The following ITPK1 variants were observed in gnomAD, a reference collection of about 807,000 sequenced individuals.
ITPK1 encodes inositol 1,3,4-trisphosphate 5/6-kinase.
Under a neutral mutation model 45.3 loss-of-function variants are expected in ITPK1, and 21 were observed. The observed-to-expected ratio is 0.46, with a 90% confidence interval of 0.33 to 0.67. The LOEUF is 0.67. Among genes scored for constraint, ITPK1 ranks in the 30% least tolerant of loss-of-function variants. The probability of loss-of-function intolerance (pLI) is 0.02; values close to 1 mark genes in which losing one functional copy is unlikely to be tolerated. For missense variants in ITPK1, 474 were observed against 573.5 expected (o/e 0.83, Z 1.77); for synonymous variants, 258 against 253.6 (o/e 1.02, Z -0.16).
intron 2 of ITPK1, among the ~76,000 whole-genome samples, chr14:93,100,361 C>A (rs1021672445): frequency 1.3e-5 from 2 of 152,170 alleles, no homozygotes; most frequent in African/African-American, 2.4e-5. Flanking sequence ...AAAACCACCA[C>A]CCTCCCAGGG....
chr14:93,035,448 G>A (rs1889274299), intron 3 of ITPK1, among the ~76,000 whole-genome samples: 1 of 152,330 alleles, frequency 6.6e-6, no homozygotes, highest in Non-Finnish European at 1.5e-5. Flanking sequence ...ATCTCCCATG[G>A]GTGTGTATAT....
chr14:92,964,998 G>A lies in ITPK1; in HGVS notation c.365-2149C>T, dbSNP rs974001104. 3.3e-5 allele frequency among the ~76,000 whole-genome samples: 5 copies of A among 152,200 alleles called. No individual in the cohort carries two copies. The East Asian group carries it at 7.7e-4, about 23-fold the overall frequency. ...GTCCCCTGAGAATTTTACAGATGAG[G>A]AAACTAGGGCACAGAGGTGGCATTT... On this transcript the variant is annotated intron_variant, in intron 5 of 10. Transcript: ENST00000267615.
intron 7 of ITPK1, among the ~76,000 whole-genome samples, chr14:92,961,100 G>A (rs866187246): frequency 5.9e-5 from 9 of 152,234 alleles, no homozygotes; most frequent in Admixed American, 2.6e-4. Flanking sequence ...CCTTTTAGTC[G>A]TGAGCTCTGG....
In ITPK1 at chr14:93,004,782, C is replaced by T. The variant is rs146205906; in HGVS notation, c.247-10785G>A. Among the ~76,000 whole-genome samples the T allele has an allele frequency of 2.7e-3, 407 of 150,964 alleles. 2 individuals carry two copies. Among genetic ancestry groups the T allele is most frequent in the African/African-American group, 9.3e-3 (381 of 41,006 alleles). On this transcript the variant is annotated intron_variant, in intron 4 of 10. Transcript: ENST00000267615. Reference sequence around the variant, plus strand: ...ATAAAGGAGCAGAGGAGTGTGGGTGCGGGGGGCACAGGGTTGGGGGCTGGG... The same window carrying T: ...ATAAAGGAGCAGAGGAGTGTGGGTGTGGGGGGCACAGGGTTGGGGGCTGGG...
chr14:92,939,241 T>C lies in ITPK1; in HGVS notation c.*2320A>G, dbSNP rs1051204563. 1 of 152,340 alleles carries C rather than the reference T, an allele frequency of 6.6e-6. No homozygotes were observed. Among genetic ancestry groups the C allele is most frequent in the African/African-American group, 2.4e-5 (1 of 41,440 alleles). The allele number at this position is 152,340 out of a possible 1,614,324, so 9.4% of individuals were successfully genotyped here. On this transcript the variant is annotated 3_prime_UTR_variant, in exon 11 of 11. Transcript: ENST00000267615. Reference sequence around the variant, plus strand: ...GCCGCCAGAGCCCGGGTGGTTTTAGTGGGTCTTTCCCTGAGGCAGAAACTC... The same window carrying C: ...GCCGCCAGAGCCCGGGTGGTTTTAGCGGGTCTTTCCCTGAGGCAGAAACTC...
chr14:93,004,936 C>T (rs951332264), intron 4 of ITPK1, among the ~76,000 whole-genome samples: 4 of 151,902 alleles, frequency 2.6e-5, no homozygotes, highest in East Asian at 1.9e-4. Context: ...AGCACATTCA[C>T]GGGCCTGCTG....
At chr14:92,971,980 C>T (rs537980428) in intron 5 of ITPK1, among the ~76,000 whole-genome samples, 10 of 152,274 alleles carry the variant, frequency 6.6e-5, no homozygotes, top group African/African-American at 1.7e-4. Flanking sequence ...GGCCCAGCAC[C>T]GCGACCTCTT....
In ITPK1 at chr14:93,096,333, C is replaced by T. The variant is rs746999521; in HGVS notation, c.95+18736G>A. 3.9e-5 allele frequency among the ~76,000 whole-genome samples: 6 copies of T among 152,244 alleles called. No homozygotes were observed. In the East Asian group the frequency reaches 7.7e-4, roughly 20 times the overall value. On this transcript the variant is annotated intron_variant, in intron 2 of 10. Coordinates refer to ENST00000267615, the MANE Select transcript of ITPK1 (RefSeq NM_014216.6). ...TCCCCAGACCCCTTCATATCACTGT[C>T]ATCACTTCATTTTCCGATCCCAGAT...
intron 2 of ITPK1, among the ~76,000 whole-genome samples, chr14:93,093,066 A>G (rs1037049025): frequency 2.0e-5 from 3 of 152,074 alleles, no homozygotes; most frequent in Non-Finnish European, 4.4e-5. Context: ...TCATTACCAC[A>G]TGACCCCTCA....
chr14:93,020,760 G>A (rs1888424118), intron 3 of ITPK1, among the ~76,000 whole-genome samples: 1 of 152,120 alleles, frequency 6.6e-6, no homozygotes, highest in African/African-American at 2.4e-5. Flanking sequence ...CAGATAATGG[G>A]GAGGGCTGTG....
chr14:92,959,274 C>T (rs1447831050), intron 7 of ITPK1, among the ~76,000 whole-genome samples: 3 of 152,166 alleles, frequency 2.0e-5, no homozygotes, highest in Admixed American at 2.0e-4. Context: ...CATGGCTAAT[C>T]CCTCAGCCCG....
At chr14:93,088,346 T>TTTTG (rs1891735080) in intron 2 of ITPK1, among the ~76,000 whole-genome samples, 1 of 148,736 alleles carries the variant, frequency 6.7e-6, no homozygotes, top group African/African-American at 2.5e-5. Context: ...GTTTTGTTTT[T>TTTTG]TTTTTTTTTT....
At chr14:93,067,047 C>G (rs573310733) in intron 3 of ITPK1, among the ~76,000 whole-genome samples, 1 of 152,228 alleles carries the variant, frequency 6.6e-6, no homozygotes, top group Non-Finnish European at 1.5e-5. Context: ...AGTAGCAATG[C>G]TATGGATACC....
chr14:92,976,540 A>G (rs954084150), intron 5 of ITPK1, among the ~76,000 whole-genome samples: 1 of 152,248 alleles, frequency 6.6e-6, no homozygotes, highest in African/African-American at 2.4e-5. Context: ...TTGGATTTCC[A>G]TCTAACAGAC....
At chr14:92,948,430 T>C (rs1887786506) in intron 9 of ITPK1, among the ~76,000 whole-genome samples, 1 of 152,182 alleles carries the variant, frequency 6.6e-6, no homozygotes, top group African/African-American at 2.4e-5. Flanking sequence ...CACGGCTCAC[T>C]GCAGCCTTGA....
chr14:93,085,589 C>T (rs946639326), intron 2 of ITPK1, among the ~76,000 whole-genome samples: 7 of 152,144 alleles, frequency 4.6e-5, no homozygotes, highest in African/African-American at 1.4e-4. Flanking sequence ...GAAAGCAGCA[C>T]AGGAACTGAG....
At chr14:93,090,303 C>T (rs1891816835) in intron 2 of ITPK1, among the ~76,000 whole-genome samples, 2 of 152,204 alleles carry the variant, frequency 1.3e-5, no homozygotes, top group South Asian at 4.1e-4. Flanking sequence ...CCCTGCCTAC[C>T]ATGCACAACA....
chr14:93,091,051 T>C (rs1044699851), intron 2 of ITPK1, among the ~76,000 whole-genome samples: 7 of 152,132 alleles, frequency 4.6e-5, no homozygotes, highest in Non-Finnish European at 8.8e-5. Context: ...CCCAGGGAGA[T>C]GGCTCACCGT....
At chr14:92,945,345 T>C (rs1379429245) in intron 10 of ITPK1, among the ~76,000 whole-genome samples, 1 of 152,326 alleles carries the variant, frequency 6.6e-6, no homozygotes, top group African/African-American at 2.4e-5. Context: ...ACACAGAAAG[T>C]GCCCAGCCAG....
Sources: allele counts gnomAD v4.1 joint callset (sites outside exome capture counted in the v4.1 genomes callset), GRCh38; gene constraint gnomAD v4.1.1; transcripts MANE v1.5; gene names NCBI Gene and HGNC (gene_info 2026-07-23, HGNC 2026-07-21).